The following TREML1 variants were observed in gnomAD, a reference collection of about 807,000 sequenced individuals.
TREML1 encodes the protein trem-like transcript 1 protein.
In TREML1, 27 loss-of-function variants were observed where a neutral mutation model predicts 22.8. The observed-to-expected ratio is 1.19, with a 90% CI of 0.87 to 1.64. The LOEUF (loss-of-function observed/expected upper bound fraction) is 1.64. Ranked by LOEUF, TREML1 falls within the 40% of genes most tolerant of loss-of-function variation. The pLI is 0.00. For synonymous variants in TREML1, 153 were observed against 161.9 expected (o/e 0.94, Z 0.42); for missense variants, 356 against 382.0 (o/e 0.93, Z 0.57).
At chr6:41,151,999 C>T (rs1765264599) in intron 2 of TREML1, among the ~76,000 whole-genome samples, 1 of 152,204 alleles carries the variant, frequency 6.6e-6, no homozygotes, top group Non-Finnish European at 1.5e-5. Context: ...AGGCTTCTGT[C>T]ACCCATATGA....
intron 5 of TREML1, 137 bp from the exon 6 acceptor site, chr6:41,150,055 T>A: frequency 9.5e-7 from 1 of 1,055,484 alleles, no homozygotes; most frequent in Non-Finnish European, 1.4e-6. Context: ...TTGTGAAGAT[T>A]TTCAAGCCCC....
At chr6:41,152,863 C>T (rs1411362292) in intron 2 of TREML1, among the ~76,000 whole-genome samples, 1 of 151,774 alleles carries the variant, frequency 6.6e-6, no homozygotes, top group African/African-American at 2.4e-5. Context: ...AGAGTGAGAC[C>T]CTGTCTCAAA....
chr6:41,152,096 C>T lies in TREML1; in HGVS notation c.377-712G>A, dbSNP rs143338969. ...AGGAACCTGGCCAGTCCTTTCAGAC[C>T]GACTGGAATGGGGCCTTGCCTTGTT... On this transcript the variant is annotated intron_variant, in intron 2 of 5. Coordinates refer to ENST00000426005, the MANE Select transcript of TREML1 (RefSeq NM_178174.4). Among the ~76,000 whole-genome samples, 849 of 152,300 alleles carry T rather than the reference C, an allele frequency of 5.6e-3. 33 individuals carry two copies. The highest frequency in any genetic ancestry group is 0.051 in the Admixed American group (784 of 15,302).
Position 41,153,800 on chromosome 6 carries a change from G to C in TREML1, c.334C>G (p.Pro112Ala). 6.2e-7 allele frequency: 1 copy of C among 1,613,338 alleles called. No homozygotes were observed. Among genetic ancestry groups the C allele is most frequent in the Non-Finnish European group, 8.5e-7 (1 of 1,179,674 alleles). The change falls in exon 2 of 6, where the codon CCC (proline) becomes GCC (alanine). Residue 112 changes from proline to alanine, a missense_variant. Transcript: ENST00000426005. ...AGAGAGACTCTGTGCAAAATCTGGG[G>C]CCCCCTGGCCCCATCCACCATGCAG... is the stretch of plus-strand genomic sequence containing the variant. ...YGCMVDGARG[P>A]QILHRVSLNI...
Position 41,154,083 on chromosome 6 carries a change from G to A in TREML1, c.51C>T (p.Gly17=), listed in dbSNP as rs1401182050. ...GCACCTCAGGGAGGCTGCCAACTAT[G>A]CCCTGACCTGGGGAAGGAAAGGAGG... ...LLLLLGLEGQ[G]IVGSLPEVLQ... The change falls in exon 2 of 6, where the codon GGC becomes GGT. Residue 17 remains glycine (G), a synonymous_variant. Transcript: ENST00000426005. The A allele has an allele frequency of 4.3e-6, 7 of 1,610,130 alleles. No homozygotes were observed. The highest frequency in any genetic ancestry group is 5.9e-6 in the Non-Finnish European group (7 of 1,177,800).
chr6:41,151,526 G>A, intron 2 of TREML1, 142 bp from the exon 3 acceptor site: 1 of 679,294 alleles, frequency 1.5e-6, no homozygotes, highest in Non-Finnish European at 2.6e-6. Flanking sequence ...AACACAGAAA[G>A]GGGAGGCTGG....
At position 41,151,297 on chromosome 6, in the gene TREML1, CTGGGTTCCAA is replaced by C; in HGVS notation, c.454_463del (p.Leu152AlafsTer9). 1 of 1,614,180 alleles carries C rather than the reference CTGGGTTCCAA, an allele frequency of 6.2e-7. No individual in the cohort carries two copies. The highest frequency in any genetic ancestry group is 1.7e-5 in the Admixed American group (1 of 60,026). ...CTGTCAGTACCTCTTCTCATCCTGG[CTGGGTTCCAA>C]AGGGTTGGCACTGCCTGCAGGGTCT... On this transcript the variant is annotated frameshift_variant, in exon 3 of 6. Coordinates refer to ENST00000426005, the MANE Select transcript of TREML1 (RefSeq NM_178174.4). LOFTEE classifies it high-confidence loss of function.
chr6:41,154,318 C>T lies in TREML1; in HGVS notation c.-30G>A. 2 of 1,606,400 alleles carry T rather than the reference C, an allele frequency of 1.2e-6. No homozygotes were observed. The highest frequency in any genetic ancestry group is 1.3e-5 in the African/African-American group (1 of 74,912). On this transcript the variant is annotated 5_prime_UTR_variant, in exon 1 of 6. Transcript: ENST00000426005. ...GGGCAGAGAAATGTCAACTCCTGGG[C>T]TTGCCTGGGCACTGATGCAGCATTC...
Position 41,149,479 on chromosome 6 carries a change from A to G in TREML1, c.*125T>C. The G allele has an allele frequency of 1.2e-5, 13 of 1,072,634 alleles. No homozygotes were observed. Among genetic ancestry groups the G allele is most frequent in the South Asian group, 6.3e-5 (4 of 63,090 alleles). 66.4% of individuals were successfully genotyped at this position (1,072,634 alleles called of 1,614,324 possible). On this transcript the variant is annotated 3_prime_UTR_variant, in exon 6 of 6. Coordinates refer to ENST00000426005, the MANE Select transcript of TREML1 (RefSeq NM_178174.4). ...TCACTTTCCCTAGTAAAGTTAGGAC[A>G]TTGGATTAGATCTTAAAGTCCCTGG...
In TREML1 at chr6:41,153,882, C is replaced by T. The variant is rs1232689592; in HGVS notation, c.252G>A (p.Gly84=). 1.1e-5 allele frequency: 18 copies of T among 1,614,106 alleles called. No homozygotes were observed. The highest frequency in any genetic ancestry group is 1.5e-5 in the Non-Finnish European group (18 of 1,180,052). ...GRRTFLTDLG[G]GLLQVEMVTL... ...TAACCATTTCCACCTGCAGCAGGCC[C>T]CCACCCAGGTCTGTGAGAAACGTAC... Residue 84 remains glycine (G), a synonymous_variant, in exon 2 of 6, where the codon GGG becomes GGA. Transcript: ENST00000426005.
intron 2 of TREML1, among the ~76,000 whole-genome samples, chr6:41,153,005 G>A (rs1464199268): frequency 6.6e-6 from 1 of 151,626 alleles, no homozygotes; most frequent in Non-Finnish European, 1.5e-5. Context: ...AGGAGTGGCT[G>A]TCTGTGCTTC....
chr6:41,150,057 T>G (rs1765204986), intron 5 of TREML1, 139 bp from the exon 6 acceptor site: 1 of 1,052,090 alleles, frequency 9.5e-7, no homozygotes, highest in Non-Finnish European at 1.4e-6. Flanking sequence ...GTGAAGATTT[T>G]CAAGCCCCAA....
Position 41,154,096 on chromosome 6 carries a change from G to A in TREML1, c.44-6C>T. On this transcript the variant is annotated splice_region_variant and splice_polypyrimidine_tract_variant and intron_variant, in intron 1 of 5. Coordinates refer to ENST00000426005, the MANE Select transcript of TREML1 (RefSeq NM_178174.4). ...GCTGCCAACTATGCCCTGACCTGGG[G>A]AAGGAAAGGAGGTGGGAATTTTGGG... is the stretch of plus-strand genomic sequence containing the variant. The A allele has an allele frequency of 1.2e-6, 2 of 1,607,058 alleles. No homozygotes were observed. Among genetic ancestry groups the A allele is most frequent in the Non-Finnish European group, 1.7e-6 (2 of 1,176,140 alleles).
intron 1 of TREML1, 36 bp downstream of exon 1, chr6:41,154,210 A>G: frequency 1.2e-6 from 2 of 1,608,728 alleles, no homozygotes; most frequent in Non-Finnish European, 1.7e-6. Flanking sequence ...GGCTGAGCAT[A>G]TGGGGCCCAG....
intron 3 of TREML1, 97 bp from the exon 4 acceptor site, chr6:41,151,004 G>C: frequency 9.6e-7 from 1 of 1,036,960 alleles, no homozygotes; most frequent in South Asian, 1.3e-5. Flanking sequence ...TTACATTCTT[G>C]ATTGGGAGAG....
chr6:41,155,375 T>TTCAATCTCTCTCTCTC (rs1765393419), upstream of TREML1, among the ~76,000 whole-genome samples: 1 of 136,726 alleles, frequency 7.3e-6, no homozygotes, highest in Non-Finnish European at 1.5e-5. Context: ...GAGTAAACGT[T>TTCAATCTCTCTCTCTC]TCTCTCTCTC....
intron 4 of TREML1, 127 bp downstream of exon 4, chr6:41,150,692 G>A: frequency 1.3e-6 from 1 of 791,472 alleles, no homozygotes. Context: ...GGATATGGGG[G>A]CCTTGAGACT....
intron 4 of TREML1, 112 bp from the exon 5 acceptor site, chr6:41,150,425 C>T: frequency 1.0e-6 from 1 of 952,732 alleles, no homozygotes; most frequent in Non-Finnish European, 1.6e-6. Context: ...GCAGACTCAC[C>T]TTCCCCACTC....
rs549233374 is a variant in TREML1, at chr6:41,153,958, C to T, written c.176G>A (p.Cys59Tyr). 1 of 1,614,162 alleles carries T rather than the reference C, an allele frequency of 6.2e-7. No individual in the cohort carries two copies. The highest frequency in any genetic ancestry group is 1.1e-5 in the South Asian group (1 of 91,086). The change falls in exon 2 of 6, where the codon TGC (cysteine) becomes TAC (tyrosine). Residue 59 changes from cysteine (C) to tyrosine (Y), a missense_variant. Cys to Tyr is a radical substitution (Grantham distance 194). Coordinates refer to ENST00000426005, the MANE Select transcript of TREML1 (RefSeq NM_178174.4). The stretch of plus-strand genomic sequence containing the variant: ...CACAGCTGAGGACACCAGGGGCTGG[C>T]ACCCCTCCGGCAAGAACCGGCACCA... The part of the protein sequence containing the change: ...KVWCRFLPEG[C>Y]QPLVSSAVDR...
Sources: allele counts gnomAD v4.1 joint callset (sites outside exome capture counted in the v4.1 genomes callset), GRCh38; gene constraint gnomAD v4.1.1; transcripts MANE v1.5; gene names NCBI Gene and HGNC (gene_info 2026-07-23, HGNC 2026-07-21).